Variants in FBLN2 observed in about 807,000 individuals in gnomAD.
FBLN2 encodes fibulin 2.
FBLN2 carries 81 observed loss-of-function variants against 123.7 expected under a neutral mutation model. The ratio of observed to expected loss-of-function variants is 0.65; its 90% confidence interval spans 0.55 to 0.79. The LOEUF (loss-of-function observed/expected upper bound fraction) is 0.79. FBLN2 is among the 30% of genes least tolerant of loss of function. The pLI is 0.00. For synonymous variants in FBLN2, 699 were observed against 701.4 expected (o/e 1.00, Z 0.05); for missense variants, 1,603 against 1,681.3 (o/e 0.95, Z 0.81).
intron 8 of FBLN2, among the ~76,000 whole-genome samples, chr3:13,621,113 C>T (rs1279243123): frequency 6.6e-6 from 1 of 152,220 alleles, no homozygotes; most frequent in Non-Finnish European, 1.5e-5. Flanking sequence ...GTCTGCGCAT[C>T]CCCAGGACCC....
At chr3:13,552,508 T>A (rs894539955) in intron 1 of FBLN2, among the ~76,000 whole-genome samples, 2 of 152,126 alleles carry the variant, frequency 1.3e-5, no homozygotes, top group Non-Finnish European at 2.9e-5. Context: ...CAGGTGTCCG[T>A]GTGGCTGCAG....
At position 13,614,082 on chromosome 3, in the gene FBLN2, G is replaced by C. The variant is rs1212172808; in HGVS notation, c.1647G>C (p.Met549Ile). Residue 549 changes from methionine (M) to isoleucine (I), a missense_variant, in exon 5 of 18, where the codon ATG becomes ATC. Physicochemically the swap from Met to Ile is conservative, Grantham distance 10 (BLOSUM62 1). Coordinates refer to ENST00000404922, the MANE Select transcript of FBLN2 (RefSeq NM_001004019.2). ...PNLGYPCNHVMLSCCEGEEPL... is the reference protein window; with the variant it reads ...PNLGYPCNHVILSCCEGEEPL... ...TGGGCTATCCCTGCAATCATGTCAT[G>C]CTCTCCTGCTGTGAGGGTGAAGAGC... The C allele has an allele frequency of 1.2e-6, 2 of 1,613,722 alleles. No individual in the cohort carries two copies. Among genetic ancestry groups the C allele is most frequent in the Non-Finnish European group, 1.7e-6 (2 of 1,179,886 alleles).
intron 2 of FBLN2, among the ~76,000 whole-genome samples, chr3:13,590,408 C>A (rs761321385): frequency 6.6e-6 from 1 of 152,154 alleles, no homozygotes; most frequent in Non-Finnish European, 1.5e-5. Flanking sequence ...TCACTGCAAC[C>A]TCCGCTTCCC....
intron 2 of FBLN2, among the ~76,000 whole-genome samples, chr3:13,587,993 C>T (rs1378419767): frequency 6.6e-6 from 1 of 152,222 alleles, no homozygotes; most frequent in Non-Finnish European, 1.5e-5. Context: ...ACCTTGGGCA[C>T]AAGTGGTCAG....
intron 2 of FBLN2, among the ~76,000 whole-genome samples, chr3:13,577,588 G>A (rs1704191976): frequency 6.6e-6 from 1 of 152,222 alleles, no homozygotes; most frequent in African/African-American, 2.4e-5. Context: ...CTGGCTAGGA[G>A]GAGTGGCAGA....
intron 1 of FBLN2, among the ~76,000 whole-genome samples, chr3:13,570,018 C>A (rs1001808882): frequency 6.6e-6 from 1 of 152,026 alleles, no homozygotes; most frequent in Non-Finnish European, 1.5e-5. Flanking sequence ...AGAGGACCTG[C>A]CTCAGAATGC....
chr3:13,613,754 C>T, intron 4 of FBLN2: 1 of 470,200 alleles, frequency 2.1e-6, no homozygotes, highest in Non-Finnish European at 3.7e-6. Flanking sequence ...GTTATAGTTC[C>T]TTCAACTAAA....
chr3:13,637,340 T>G (rs966207451), intron 17 of FBLN2, among the ~76,000 whole-genome samples: 8 of 152,204 alleles, frequency 5.3e-5, no homozygotes, highest in African/African-American at 1.9e-4. Flanking sequence ...AGTGCCATGC[T>G]AAACTCACCC....
chr3:13,620,525 G>A (rs1418793375), intron 8 of FBLN2, among the ~76,000 whole-genome samples: 1 of 152,144 alleles, frequency 6.6e-6, no homozygotes, highest in East Asian at 1.9e-4. Flanking sequence ...CCTAGGTCTG[G>A]GTCTTGTCTT....
intron 13 of FBLN2, 121 bp downstream of exon 13, chr3:13,629,413 C>T (rs1260696679): frequency 1.5e-6 from 2 of 1,332,616 alleles, no homozygotes; most frequent in Non-Finnish European, 2.0e-6. Context: ...TGCTGGAGTC[C>T]ACAAGGTCGC....
At chr3:13,556,482 CT>C (rs1361576866) in intron 1 of FBLN2, among the ~76,000 whole-genome samples, 4 of 152,308 alleles carry the variant, frequency 2.6e-5, no homozygotes, top group Non-Finnish European at 4.4e-5. Flanking sequence ...GCCCCACCCC[CT>C]GATACCATCC....
At chr3:13,613,940 G>A (rs777689812) in intron 4 of FBLN2, 44 bp from the exon 5 acceptor site, 1 of 1,588,130 alleles carries the variant, frequency 6.3e-7, no homozygotes, top group South Asian at 1.1e-5. Context: ...CTAGCTCCAG[G>A]CTGGGGCCAG....
chr3:13,569,413 G>T (rs1429613264), intron 1 of FBLN2, among the ~76,000 whole-genome samples: 1 of 152,124 alleles, frequency 6.6e-6, no homozygotes, highest in Non-Finnish European at 1.5e-5. Flanking sequence ...GGGAGGAGTG[G>T]TGGGCAGGGA....
chr3:13,558,391 A>G (rs1014419689), intron 1 of FBLN2, among the ~76,000 whole-genome samples: 1 of 151,498 alleles, frequency 6.6e-6, no homozygotes, highest in East Asian at 1.9e-4. Context: ...CCCGCCACCC[A>G]AGTCTAGGAT....
At chr3:13,625,012 G>A (rs1705984935) in intron 9 of FBLN2, among the ~76,000 whole-genome samples, 1 of 151,712 alleles carries the variant, frequency 6.6e-6, no homozygotes, top group Non-Finnish European at 1.5e-5. Context: ...TGAGTTGGTG[G>A]CCTCTGTGGC....
intron 16 of FBLN2, among the ~76,000 whole-genome samples, chr3:13,633,858 A>G (rs1404307013): frequency 6.6e-6 from 1 of 152,078 alleles, no homozygotes; most frequent in Non-Finnish European, 1.5e-5. Context: ...TGCTCATTGG[A>G]CAGTTGACCC....
intron 10 of FBLN2, 138 bp downstream of exon 10, chr3:13,626,717 C>A: frequency 2.2e-6 from 2 of 893,806 alleles, no homozygotes; most frequent in Non-Finnish European, 1.6e-6. Context: ...TCCTTTCTAG[C>A]AAGCTCCCCT....
At chr3:13,605,962 A>G (rs1408516506) in intron 2 of FBLN2, among the ~76,000 whole-genome samples, 1 of 152,162 alleles carries the variant, frequency 6.6e-6, no homozygotes, top group Non-Finnish European at 1.5e-5. Flanking sequence ...TCATTCTGTC[A>G]CCCAGGCTGG....
chr3:13,555,247 T>A (rs1703432014), intron 1 of FBLN2, among the ~76,000 whole-genome samples: 2 of 151,470 alleles, frequency 1.3e-5, no homozygotes. Context: ...CCACTGTGCT[T>A]GGCTGCTTAT....
Sources: allele counts gnomAD v4.1 joint callset (sites outside exome capture counted in the v4.1 genomes callset), GRCh38; gene constraint gnomAD v4.1.1; transcripts MANE v1.5; gene names NCBI Gene and HGNC (gene_info 2026-07-23, HGNC 2026-07-21).